The following RAB3GAP1 variants were observed in gnomAD, a reference collection of about 807,000 sequenced individuals.
RAB3GAP1 encodes the protein rab3 GTPase-activating protein catalytic subunit.
In RAB3GAP1, 86 loss-of-function variants were observed where a neutral mutation model predicts 130.7. That is an observed-to-expected ratio of 0.66 (90% CI 0.55 to 0.79). The LOEUF (loss-of-function observed/expected upper bound fraction) is 0.79. RAB3GAP1 is among the 30% of genes least tolerant of loss of function. The pLI is 0.00. For missense variants in RAB3GAP1, 1,029 were observed against 1,169.4 expected, an observed-to-expected ratio of 0.88 and a Z score of 1.75; for synonymous variants, 367 against 401.7, an observed-to-expected ratio of 0.91 and a Z score of 1.03.
chr2:135,140,220 G>T (rs1168764055), intron 17 of RAB3GAP1, among the ~76,000 whole-genome samples: 1 of 152,092 alleles, frequency 6.6e-6, no homozygotes, highest in Non-Finnish European at 1.5e-5. Context: ...GTTTCTTTTG[G>T]TAGACAAAGG....
rs1352989442 is a variant in RAB3GAP1, at chr2:135,153,641, T to C, written c.2062-8T>C. On this transcript the variant is annotated splice_polypyrimidine_tract_variant and splice_region_variant and intron_variant, in intron 18 of 23. Transcript: ENST00000264158. Reference sequence around the variant, plus strand: ...TTGATTCTGCTGAATTTTTTTGTCTTATTTTAGGCAGCTAATCCAGGTTGC... The same window carrying C: ...TTGATTCTGCTGAATTTTTTTGTCTCATTTTAGGCAGCTAATCCAGGTTGC... The C allele has an allele frequency of 1.2e-6, 2 of 1,613,576 alleles. No individual in the cohort carries two copies. The highest frequency in any genetic ancestry group is 1.7e-4 in the Middle Eastern group (1 of 6,058).
intron 12 of RAB3GAP1, 106 bp downstream of exon 12, chr2:135,130,193 A>G: frequency 1.0e-6 from 1 of 986,622 alleles, no homozygotes; most frequent in Non-Finnish European, 1.6e-6. Flanking sequence ...ATTAAGTTGG[A>G]TAATCAAGTT....
At chr2:135,063,572 G>A (rs1689237959) in intron 3 of RAB3GAP1, among the ~76,000 whole-genome samples, 1 of 151,662 alleles carries the variant, frequency 6.6e-6, no homozygotes, top group African/African-American at 2.4e-5. Context: ...TACAGTATTT[G>A]TTTTTTTGTG....
intron 3 of RAB3GAP1, among the ~76,000 whole-genome samples, chr2:135,085,912 G>C (rs1445793064): frequency 6.6e-6 from 1 of 152,128 alleles, no homozygotes; most frequent in African/African-American, 2.4e-5. Context: ...ATCCCAGAAA[G>C]ATTGCTTGTT....
chr2:135,094,670 C>G (rs1273977350), intron 5 of RAB3GAP1, among the ~76,000 whole-genome samples: 1 of 152,176 alleles, frequency 6.6e-6, no homozygotes, highest in East Asian at 1.9e-4. Flanking sequence ...TACCCAGCTT[C>G]CCACTTCTAA....
intron 5 of RAB3GAP1, among the ~76,000 whole-genome samples, chr2:135,110,142 T>G (rs1313532408): frequency 6.7e-6 from 1 of 149,406 alleles, no homozygotes; most frequent in East Asian, 2.0e-4. Context: ...GGTAAATCCT[T>G]TTTTTTTTTG....
chr2:135,116,618 G>A (rs1199245764), intron 7 of RAB3GAP1, among the ~76,000 whole-genome samples: 1 of 152,122 alleles, frequency 6.6e-6, no homozygotes, highest in Non-Finnish European at 1.5e-5. Context: ...TAGTATCAAT[G>A]TTTAATTTAT....
intron 3 of RAB3GAP1, among the ~76,000 whole-genome samples, chr2:135,061,276 A>G (rs62168952): frequency 6.6e-6 from 1 of 152,036 alleles, no homozygotes. Flanking sequence ...TTGTGGGCAT[A>G]TGTTTTTATT....
intron 9 of RAB3GAP1, 37 bp from the exon 10 acceptor site, chr2:135,126,144 A>T (rs1335702040): frequency 7.0e-7 from 1 of 1,425,114 alleles, no homozygotes; most frequent in Non-Finnish European, 9.9e-7. Flanking sequence ...TTGCTGAGTC[A>T]GTATTAAAGC....
At chr2:135,057,879 A>G (rs1689058469) in intron 2 of RAB3GAP1, 132 bp from the exon 3 acceptor site, 3 of 681,774 alleles carry the variant, frequency 4.4e-6, no homozygotes, top group South Asian at 1.7e-5. Context: ...AAATTAAGCT[A>G]GCAATACTAA....
chr2:135,139,889 C>T (rs1005476543), intron 17 of RAB3GAP1, among the ~76,000 whole-genome samples: 1 of 152,186 alleles, frequency 6.6e-6, no homozygotes, highest in African/African-American at 2.4e-5. Context: ...AACTCTTTCT[C>T]TTAACTTTTG....
At chr2:135,083,872 A>G (rs1689902523) in intron 3 of RAB3GAP1, among the ~76,000 whole-genome samples, 1 of 149,288 alleles carries the variant, frequency 6.7e-6, no homozygotes, top group African/African-American at 2.5e-5. Flanking sequence ...GATGATGTTG[A>G]ACATCTTTTG....
At chr2:135,064,755 G>GTTT (rs746093269) in intron 3 of RAB3GAP1, among the ~76,000 whole-genome samples, 2 of 104,964 alleles carry the variant, frequency 1.9e-5, no homozygotes, top group African/African-American at 3.3e-5. Flanking sequence ...GAGGTGTTTT[G>GTTT]TTTTTTTTTT....
Position 135,060,637 on chromosome 2 carries a change from A to G in RAB3GAP1, c.150+2551A>G, listed in dbSNP as rs1406943781. On this transcript the variant is annotated intron_variant, in intron 3 of 23. Coordinates refer to ENST00000264158, the MANE Select transcript of RAB3GAP1 (RefSeq NM_012233.3). ...AGATAGAGGTCATCTCTGTTACCCC[A>G]GGAAGATCCTTAGTGACCCTTTCTA... Among the ~76,000 whole-genome samples the G allele has an allele frequency of 2.0e-5, 3 of 152,016 alleles. No homozygotes were observed. The East Asian group carries it at 5.8e-4, about 29-fold the overall frequency.
chr2:135,102,998 C>T (rs1253741626), intron 5 of RAB3GAP1, among the ~76,000 whole-genome samples: 3 of 115,622 alleles, frequency 2.6e-5, no homozygotes, highest in Non-Finnish European at 4.9e-5. Flanking sequence ...CAGTGCGAGA[C>T]TCCGTCTGAA....
chr2:135,138,281 C>CAA (rs755492320), intron 17 of RAB3GAP1, among the ~76,000 whole-genome samples: 96 of 107,496 alleles, frequency 8.9e-4, no homozygotes, highest in Middle Eastern at 5.1e-3. Flanking sequence ...CTATTTCTAC[C>CAA]AAAAAAAAAA....
intron 3 of RAB3GAP1, among the ~76,000 whole-genome samples, chr2:135,065,350 G>T (rs973857630): frequency 6.6e-6 from 1 of 152,140 alleles, no homozygotes; most frequent in African/African-American, 2.4e-5. Context: ...TTTCCAGTTA[G>T]GTACGTGTGT....
At chr2:135,068,922 G>A (rs2104838513) in intron 3 of RAB3GAP1, among the ~76,000 whole-genome samples, 2 of 152,266 alleles carry the variant, frequency 1.3e-5, no homozygotes, top group Middle Eastern at 6.8e-3. Context: ...CCACTTGGCT[G>A]GGTAGGGATC....
chr2:135,150,606 T>C (rs1008941903), intron 18 of RAB3GAP1, 100 bp downstream of exon 18: 1 of 1,473,726 alleles, frequency 6.8e-7, no homozygotes. Context: ...TGAATGTCTT[T>C]TTGTTAAGTG....
Sources: gnomAD v4.1 joint callset for allele counts (sites outside exome capture counted in the v4.1 genomes callset) on GRCh38, gnomAD v4.1.1 for gene constraint, MANE v1.5 for transcripts, NCBI Gene and HGNC (gene_info 2026-07-23, HGNC 2026-07-21) for gene names.